MDGA2: variants seen among roughly 807,000 people sequenced by gnomAD.
MDGA2 encodes the protein MAM domain containing glycosylphosphatidylinositol anchor 2.
MDGA2 carries 40 observed loss-of-function variants against 117.8 expected under a neutral mutation model. That is an observed-to-expected ratio of 0.34 (90% CI 0.26 to 0.44). The LOEUF (loss-of-function observed/expected upper bound fraction) is 0.44. Among genes scored for constraint, MDGA2 ranks in the 20% least tolerant of loss-of-function variants. The probability of loss-of-function intolerance (pLI) is 1.00; values close to 1 mark genes in which losing one functional copy is unlikely to be tolerated. For synonymous variants in MDGA2, 452 were observed against 439.0 expected (o/e 1.03, Z -0.37); for missense variants, 1,123 against 1,250.6 (o/e 0.90, Z 1.54).
At chr14:47,187,710 A>G (rs1884962117) in intron 3 of MDGA2, among the ~76,000 whole-genome samples, 2 of 152,122 alleles carry the variant, frequency 1.3e-5, no homozygotes, top group African/African-American at 4.8e-5. Context: ...ACAATCTTTA[A>G]CATTTATTCA....
intron 7 of MDGA2, among the ~76,000 whole-genome samples, chr14:47,038,327 G>C (rs1306452747): frequency 6.6e-6 from 1 of 152,136 alleles, no homozygotes; most frequent in Non-Finnish European, 1.5e-5. Context: ...AAAAAGAGAA[G>C]TGGTGTCAAA....
At chr14:46,964,877 T>C (rs1307103072) in intron 8 of MDGA2, among the ~76,000 whole-genome samples, 4 of 151,606 alleles carry the variant, frequency 2.6e-5, no homozygotes, top group Non-Finnish European at 5.9e-5. Flanking sequence ...GTCAGTGTAA[T>C]TCATTATACC....
At chr14:47,409,722 C>A (rs564400458) in intron 1 of MDGA2, among the ~76,000 whole-genome samples, 1 of 152,198 alleles carries the variant, frequency 6.6e-6, no homozygotes, top group South Asian at 2.1e-4. Context: ...AAGTCACGTT[C>A]ATATTATTTT....
chr14:47,425,603 A>G, intron 1 of MDGA2, among the ~76,000 whole-genome samples: 1 of 152,096 alleles, frequency 6.6e-6, no homozygotes, highest in East Asian at 1.9e-4. Flanking sequence ...AATGTCAAGG[A>G]GTGTTAGGAT....
chr14:46,966,234 C>A (rs1432347902), intron 8 of MDGA2, among the ~76,000 whole-genome samples: 3 of 152,090 alleles, frequency 2.0e-5, no homozygotes, highest in South Asian at 4.1e-4. Context: ...AAGCAAGTCA[C>A]CCAGCTAAAA....
At chr14:46,921,311 TTAGA>T in intron 9 of MDGA2, among the ~76,000 whole-genome samples, 1 of 152,020 alleles carries the variant, frequency 6.6e-6, no homozygotes, top group Non-Finnish European at 1.5e-5. Flanking sequence ...TTTCTTTTAA[TTAGA>T]TTAGGCCAGC....
rs562638660 is a variant in MDGA2, at chr14:47,041,080, A to G, written c.1526-5776T>C. 1.1e-4 allele frequency among the ~76,000 whole-genome samples: 16 copies of G among 152,354 alleles called. 2 individuals carry two copies. In the South Asian group the frequency reaches 3.3e-3, roughly 32 times the overall value. On this transcript the variant is annotated intron_variant, in intron 7 of 16. Coordinates refer to ENST00000399232, the MANE Select transcript of MDGA2 (RefSeq NM_001113498.3). ...GTGATAAATAATAATGAAATATAGT[A>G]ATTCTACAATTAGTAGCTCCTACAA... is the stretch of plus-strand genomic sequence containing the variant.
intron 8 of MDGA2, among the ~76,000 whole-genome samples, chr14:46,969,141 G>C (rs780570964): frequency 3.9e-5 from 6 of 152,046 alleles, no homozygotes; most frequent in Admixed American, 6.6e-5. Context: ...TCTTAATCCA[G>C]TCTATCATTG....
chr14:47,034,159 C>T (rs1194385284), intron 8 of MDGA2, among the ~76,000 whole-genome samples: 1 of 152,092 alleles, frequency 6.6e-6, no homozygotes, highest in Non-Finnish European at 1.5e-5. Context: ...TCTTCTTTTT[C>T]AGCAGTGTCT....
chr14:47,008,614 T>A (rs1887792930), intron 8 of MDGA2, among the ~76,000 whole-genome samples: 1 of 151,870 alleles, frequency 6.6e-6, no homozygotes, highest in African/African-American at 2.4e-5. Flanking sequence ...CTCTAGAAAT[T>A]TTGGCCCCAG....
intron 1 of MDGA2, chr14:47,444,189 A>C (rs1446217243): frequency 4.6e-6 from 1 of 219,342 alleles, no homozygotes; most frequent in Non-Finnish European, 9.6e-6. Context: ...TGAGGTTGTC[A>C]ATACAACTAA....
At chr14:47,420,265 T>C (rs1007636565) in intron 1 of MDGA2, among the ~76,000 whole-genome samples, 3 of 152,154 alleles carry the variant, frequency 2.0e-5, no homozygotes, top group Non-Finnish European at 4.4e-5. Flanking sequence ...GAAATAATTC[T>C]GGCATAGTAA....
At chr14:47,355,237 C>T (rs769978279) in intron 1 of MDGA2, among the ~76,000 whole-genome samples, 28 of 152,200 alleles carry the variant, frequency 1.8e-4, no homozygotes, top group Non-Finnish European at 2.8e-4. Flanking sequence ...CCCCTTGGGA[C>T]CTATGATCAG....
At chr14:47,111,734 G>A (rs544611997) in intron 5 of MDGA2, among the ~76,000 whole-genome samples, 1 of 152,270 alleles carries the variant, frequency 6.6e-6, no homozygotes, top group Admixed American at 6.5e-5. Flanking sequence ...GAGAGCAACA[G>A]TAGCAGTTGG....
chr14:47,622,364 C>T (rs1897064801), intron 1 of MDGA2, among the ~76,000 whole-genome samples: 1 of 152,134 alleles, frequency 6.6e-6, no homozygotes, highest in Admixed American at 6.5e-5. Flanking sequence ...GCAATTCTGC[C>T]TTCATTGAGT....
chr14:47,191,146 G>A (rs889754717), intron 3 of MDGA2, among the ~76,000 whole-genome samples: 2 of 151,930 alleles, frequency 1.3e-5, no homozygotes, highest in African/African-American at 2.4e-5. Flanking sequence ...ATATCTGTGT[G>A]TGTGTGTGAG....
At chr14:47,109,118 T>A (rs975693271) in intron 5 of MDGA2, among the ~76,000 whole-genome samples, 1 of 152,100 alleles carries the variant, frequency 6.6e-6, no homozygotes, top group Admixed American at 6.5e-5. Flanking sequence ...GAGAGAAAAA[T>A]CCAAGCTAAG....
At chr14:47,656,025 T>C (rs1438328082) in intron 1 of MDGA2, among the ~76,000 whole-genome samples, 1 of 152,128 alleles carries the variant, frequency 6.6e-6, no homozygotes. Context: ...ATTTGCAATA[T>C]AGAATTACAA....
chr14:47,029,213 AC>A (rs1888575636), intron 8 of MDGA2, among the ~76,000 whole-genome samples: 1 of 152,048 alleles, frequency 6.6e-6, no homozygotes, highest in Non-Finnish European at 1.5e-5. Context: ...TAACTAGCAT[AC>A]TCTCTTCATT....
Sources: allele counts gnomAD v4.1 joint callset (sites outside exome capture counted in the v4.1 genomes callset), GRCh38; gene constraint gnomAD v4.1.1; transcripts MANE v1.5; gene names NCBI Gene and HGNC (gene_info 2026-07-23, HGNC 2026-07-21).